The following PLCB1 variants were observed in gnomAD, a reference collection of about 807,000 sequenced individuals.
The protein encoded by PLCB1 is phospholipase C beta 1, also known as 1-phosphatidylinositol 4,5-bisphosphate phosphodiesterase beta-1.
A neutral mutation model predicts 161.8 loss-of-function variants in PLCB1; 46 were observed. The ratio of observed to expected loss-of-function variants is 0.28; its 90% CI spans 0.22 to 0.36. The LOEUF (loss-of-function observed/expected upper bound fraction) is 0.36, where lower values mean the gene tolerates loss of function less well. Among genes scored for constraint, PLCB1 ranks in the 10% least tolerant of loss-of-function variants. The pLI is 1.00. For synonymous variants in PLCB1, 517 were observed against 503.7 expected, an observed-to-expected ratio of 1.03 and a Z score of -0.35; for missense variants, 1,016 against 1,472.5, an observed-to-expected ratio of 0.69 and a Z score of 5.07.
At chr20:8,388,018 AC>A (rs1234847602) in intron 3 of PLCB1, among the ~76,000 whole-genome samples, 1 of 151,580 alleles carries the variant, frequency 6.6e-6, no homozygotes, top group Middle Eastern at 3.2e-3. Flanking sequence ...AGAAGGAGCA[AC>A]CAGTGAGGAG....
intron 13 of PLCB1, among the ~76,000 whole-genome samples, chr20:8,716,921 C>T (rs1284290048): frequency 6.6e-6 from 1 of 152,176 alleles, no homozygotes; most frequent in African/African-American, 2.4e-5. Flanking sequence ...GAGTTTATAC[C>T]AGTCCCTCCG....
intron 10 of PLCB1, among the ~76,000 whole-genome samples, chr20:8,688,030 T>C (rs1286109242): frequency 6.6e-6 from 1 of 152,174 alleles, no homozygotes; most frequent in Admixed American, 6.5e-5. Flanking sequence ...TGGCCATTGT[T>C]GCAAGAGTAA....
chr20:8,821,519 A>G (rs867639255), intron 31 of PLCB1, among the ~76,000 whole-genome samples: 2 of 25,586 alleles, frequency 7.8e-5, no homozygotes, highest in African/African-American at 2.1e-4. Flanking sequence ...ATATATATAT[A>G]TATATATATA....
intron 31 of PLCB1, among the ~76,000 whole-genome samples, chr20:8,806,845 C>T (rs73603796): frequency 0.071 from 10,736 of 152,128 alleles, 1,031 homozygotes; most frequent in African/African-American, 0.22. Flanking sequence ...TAGATTGTAC[C>T]TTAAGTTTCA....
intron 2 of PLCB1, among the ~76,000 whole-genome samples, chr20:8,335,343 G>A (rs1433794162): frequency 6.6e-6 from 1 of 152,192 alleles, no homozygotes; most frequent in Admixed American, 6.5e-5. Flanking sequence ...CTGACTTGTT[G>A]AGGAACTCTA....
At chr20:8,279,594 CTG>C (rs779538960) in intron 2 of PLCB1, among the ~76,000 whole-genome samples, 11 of 152,136 alleles carry the variant, frequency 7.2e-5, no homozygotes, top group Non-Finnish European at 1.3e-4. Flanking sequence ...ATGGTTAAAA[CTG>C]TAAATTTTGT....
chr20:8,219,388 C>G (rs1196455204), intron 2 of PLCB1, among the ~76,000 whole-genome samples: 1 of 152,130 alleles, frequency 6.6e-6, no homozygotes, highest in Non-Finnish European at 1.5e-5. Flanking sequence ...GTGAGAACTT[C>G]TGCTACAAGC....
chr20:8,350,774 T>C (rs1321960909), intron 2 of PLCB1, among the ~76,000 whole-genome samples: 1 of 152,086 alleles, frequency 6.6e-6, no homozygotes, highest in Non-Finnish European at 1.5e-5. Flanking sequence ...AAAAATGAAA[T>C]ACTTAGGGGT....
intron 4 of PLCB1, among the ~76,000 whole-genome samples, chr20:8,628,974 T>A (rs1988444461): frequency 6.6e-6 from 1 of 152,066 alleles, no homozygotes; most frequent in African/African-American, 2.4e-5. Context: ...AGGCATTTGA[T>A]ATAGTTTCTT....
chr20:8,665,757 C>G (rs931955570), intron 9 of PLCB1, among the ~76,000 whole-genome samples: 1 of 152,156 alleles, frequency 6.6e-6, no homozygotes, highest in African/African-American at 2.4e-5. Context: ...GTTATAAAAA[C>G]TAATGATGGT....
chr20:8,515,297 A>G (rs1161887145), intron 3 of PLCB1, among the ~76,000 whole-genome samples: 7 of 152,210 alleles, frequency 4.6e-5, no homozygotes, highest in Admixed American at 4.6e-4. Flanking sequence ...TTATTAAACT[A>G]ATAGTTGTTA....
intron 31 of PLCB1, among the ~76,000 whole-genome samples, chr20:8,859,736 A>G (rs549076117): frequency 6.6e-6 from 1 of 152,008 alleles, no homozygotes; most frequent in Non-Finnish European, 1.5e-5. Flanking sequence ...GGTCTATTGG[A>G]GCAAGTTAAA....
At chr20:8,254,872 C>T (rs1390016880) in intron 2 of PLCB1, among the ~76,000 whole-genome samples, 1 of 152,010 alleles carries the variant, frequency 6.6e-6, no homozygotes, top group Non-Finnish European at 1.5e-5. Flanking sequence ...TAGAATTGAA[C>T]TTAATTGCAC....
intron 3 of PLCB1, among the ~76,000 whole-genome samples, chr20:8,495,388 CTTTTTTTTTTTTT>C (rs869173548): frequency 1.1e-5 from 1 of 94,364 alleles, no homozygotes; most frequent in Admixed American, 1.2e-4. Context: ...ACCTTCCTTT[CTTTTTTTTTTTTT>C]TTTTTTTTTT....
chr20:8,715,242 T>A (rs916530502), intron 12 of PLCB1, among the ~76,000 whole-genome samples: 4 of 152,110 alleles, frequency 2.6e-5, no homozygotes, highest in Non-Finnish European at 4.4e-5. Context: ...AGAAAAAAAA[T>A]TATTGCTTTT....
intron 2 of PLCB1, among the ~76,000 whole-genome samples, chr20:8,349,363 T>C (rs1275206995): frequency 6.6e-6 from 1 of 152,176 alleles, no homozygotes; most frequent in Non-Finnish European, 1.5e-5. Context: ...ATATAAAGGG[T>C]CTTTTGCTAG....
At chr20:8,480,264 C>G (rs6118208) in intron 3 of PLCB1, among the ~76,000 whole-genome samples, 2 of 151,806 alleles carry the variant, frequency 1.3e-5, no homozygotes, top group Admixed American at 6.6e-5. Context: ...AGAATAAAAT[C>G]CGGATTATGA....
intron 2 of PLCB1, among the ~76,000 whole-genome samples, chr20:8,293,048 A>G (rs1261601986): frequency 6.6e-6 from 1 of 152,114 alleles, no homozygotes; most frequent in Non-Finnish European, 1.5e-5. Flanking sequence ...GTTTTTGGTC[A>G]CAGTGTGATT....
chr20:8,848,282 A>C (rs1410476738), intron 31 of PLCB1, among the ~76,000 whole-genome samples: 1 of 152,172 alleles, frequency 6.6e-6, no homozygotes, highest in African/African-American at 2.4e-5. Flanking sequence ...CTCCTAGTTC[A>C]TGGATGTATT....
Sources: allele counts gnomAD v4.1 joint callset (sites outside exome capture counted in the v4.1 genomes callset), GRCh38; gene constraint gnomAD v4.1.1; transcripts MANE v1.5; gene names NCBI Gene and HGNC (gene_info 2026-07-23, HGNC 2026-07-21).